The following RHOU variants were observed in gnomAD, a reference collection of about 807,000 sequenced individuals.
RHOU encodes the protein rho-related GTP-binding protein RhoU.
RHOU carries 8 observed loss-of-function variants against 12.6 expected under a neutral mutation model. That is an observed-to-expected ratio of 0.64 (90% confidence interval 0.37 to 1.15). RHOU has a LOEUF of 1.15. Ranked by LOEUF, RHOU falls within the 50% of genes most tolerant of loss-of-function variation. The pLI is 0.01. For missense variants in RHOU, 258 were observed against 347.0 expected (o/e 0.74, Z 2.04); for synonymous variants, 161 against 147.4 (o/e 1.09, Z -0.67).
chr1:228,715,415 C>CT, the RHOU span, among the ~76,000 whole-genome samples: 1 of 151,878 alleles, frequency 6.6e-6, no homozygotes, highest in Non-Finnish European at 1.5e-5. Flanking sequence ...GTGAAATGGG[C>CT]TTTTTTTGCT....
At chr1:228,659,738 C>A in the RHOU span, among the ~76,000 whole-genome samples, 1 of 151,872 alleles carries the variant, frequency 6.6e-6, no homozygotes, top group Admixed American at 6.6e-5. Context: ...AATCCCAGCA[C>A]TTTGGGAGGC....
At chr1:228,726,157 T>C in the RHOU span, among the ~76,000 whole-genome samples, 1 of 152,190 alleles carries the variant, frequency 6.6e-6, no homozygotes, top group Admixed American at 6.5e-5. Context: ...TGGAAAACCT[T>C]GGAGTGTTTC....
the RHOU span, among the ~76,000 whole-genome samples, chr1:228,656,061 T>C: frequency 6.6e-6 from 1 of 152,242 alleles, no homozygotes; most frequent in African/African-American, 2.4e-5. Flanking sequence ...AAAACAATTA[T>C]GTAATTCTCC....
chr1:228,685,181 G>C, the RHOU span, among the ~76,000 whole-genome samples: 1 of 152,166 alleles, frequency 6.6e-6, no homozygotes, highest in Non-Finnish European at 1.5e-5. Context: ...CTTGGTATTG[G>C]TGGGTTTTGG....
At chr1:228,659,138 G>A in the RHOU span, among the ~76,000 whole-genome samples, 9 of 152,170 alleles carry the variant, frequency 5.9e-5, no homozygotes, top group Non-Finnish European at 1.3e-4. Flanking sequence ...CAGCACTTTG[G>A]GAGGCTGAGG....
the RHOU span, among the ~76,000 whole-genome samples, chr1:228,688,239 C>A: frequency 1.3e-5 from 2 of 152,116 alleles, no homozygotes; most frequent in Non-Finnish European, 2.9e-5. Context: ...CTCATGCCTC[C>A]CACTGCCTTT....
At chr1:228,693,698 C>A in the RHOU span, among the ~76,000 whole-genome samples, 1 of 152,152 alleles carries the variant, frequency 6.6e-6, no homozygotes, top group East Asian at 1.9e-4. Flanking sequence ...CAACTCCTGA[C>A]CTCATGATCG....
chr1:228,708,894 G>T, the RHOU span, among the ~76,000 whole-genome samples: 10 of 152,302 alleles, frequency 6.6e-5, no homozygotes, highest in East Asian at 9.6e-4. Flanking sequence ...ACCCATCAGT[G>T]TGCTGTATTC....
chr1:228,682,591 T>C, the RHOU span, among the ~76,000 whole-genome samples: 1 of 151,904 alleles, frequency 6.6e-6, no homozygotes, highest in Non-Finnish European at 1.5e-5. Context: ...CAAAGAATCT[T>C]CTCAAGGGTG....
chr1:228,703,449 C>T, the RHOU span, among the ~76,000 whole-genome samples: 1 of 151,488 alleles, frequency 6.6e-6, no homozygotes, highest in Admixed American at 6.6e-5. Context: ...TGGCGTGAAC[C>T]CGGGAGGTGA....
At chr1:228,716,938 AT>A in the RHOU span, among the ~76,000 whole-genome samples, 1 of 152,142 alleles carries the variant, frequency 6.6e-6, no homozygotes, top group East Asian at 1.9e-4. Context: ...TCCAGTTCTC[AT>A]TTTCACCTTT....
the RHOU span, among the ~76,000 whole-genome samples, chr1:228,728,048 A>G: frequency 6.6e-6 from 1 of 152,166 alleles, no homozygotes; most frequent in Non-Finnish European, 1.5e-5. Context: ...TGGGAAGACC[A>G]ATTGGGATTG....
At chr1:228,676,532 T>C in the RHOU span, among the ~76,000 whole-genome samples, 1 of 152,186 alleles carries the variant, frequency 6.6e-6, no homozygotes, top group African/African-American at 2.4e-5. Flanking sequence ...ATGTAGATTC[T>C]TTTGGACTCT....
intron 2 of RHOU, among the ~76,000 whole-genome samples, chr1:228,742,398 C>T (rs577059776): frequency 3.0e-4 from 45 of 152,302 alleles, no homozygotes; most frequent in African/African-American, 1.1e-3. Flanking sequence ...GCAGCACAAC[C>T]GTTGGTTTAT....
At chr1:228,667,150 C>T in the RHOU span, among the ~76,000 whole-genome samples, 1 of 152,168 alleles carries the variant, frequency 6.6e-6, no homozygotes. Flanking sequence ...GTTTTAACAC[C>T]TAAATAGGTT....
At chr1:228,728,834 G>A in the RHOU span, among the ~76,000 whole-genome samples, 3 of 151,852 alleles carry the variant, frequency 2.0e-5, no homozygotes, top group Non-Finnish European at 2.9e-5. Flanking sequence ...CTTCCTGAAT[G>A]TAACAATTGC....
chr1:228,736,111 G>A (rs1662604997), intron 1 of RHOU, 107 bp downstream of exon 1: 12 of 1,146,550 alleles, frequency 1.0e-5, no homozygotes, highest in Non-Finnish European at 1.4e-5. Flanking sequence ...GCAGGGCCCC[G>A]GGCGCGGCTC....
the RHOU span, among the ~76,000 whole-genome samples, chr1:228,707,254 TAG>T: frequency 3.5e-5 from 1 of 28,648 alleles, no homozygotes; most frequent in South Asian, 1.0e-3. Context: ...TATATATATA[TAG>T]TGTGTGTGTG....
chr1:228,675,469 T>C, the RHOU span, among the ~76,000 whole-genome samples: 1 of 152,234 alleles, frequency 6.6e-6, no homozygotes, highest in Non-Finnish European at 1.5e-5. Context: ...ATTGAATCTA[T>C]AGATAAATTT....
Sources: allele counts gnomAD v4.1 joint callset (sites outside exome capture counted in the v4.1 genomes callset), GRCh38; gene constraint gnomAD v4.1.1; transcripts MANE v1.5; gene names NCBI Gene and HGNC (gene_info 2026-07-23, HGNC 2026-07-21).